Variants in GALNT18 observed in about 807,000 individuals in gnomAD.
The protein encoded by GALNT18 is GalNAc-transferase 18.
In GALNT18, 44 loss-of-function variants were observed where a neutral mutation model predicts 69.5. The ratio of observed to expected loss-of-function variants is 0.63; its 90% CI spans 0.50 to 0.81. The LOEUF is 0.81. GALNT18 is among the 40% of genes least tolerant of loss of function. GALNT18 has a pLI of 0.00. For synonymous variants in GALNT18, 364 were observed against 318.2 expected (o/e 1.14, Z -1.53); for missense variants, 715 against 810.0 (o/e 0.88, Z 1.42).
chr11:11,527,123 T>C (rs1159208205), intron 1 of GALNT18, among the ~76,000 whole-genome samples: 1 of 152,060 alleles, frequency 6.6e-6, no homozygotes, highest in Non-Finnish European at 1.5e-5. Context: ...CTGTACTCCC[T>C]GCATAGTGAT....
At chr11:11,493,772 C>T (rs148161195) in intron 1 of GALNT18, among the ~76,000 whole-genome samples, 3 of 152,230 alleles carry the variant, frequency 2.0e-5, no homozygotes, top group Admixed American at 6.5e-5. Context: ...AACTTCAGAA[C>T]GGAGATTTAT....
At chr11:11,350,876 G>A (rs916602477) in intron 6 of GALNT18, among the ~76,000 whole-genome samples, 1 of 152,198 alleles carries the variant, frequency 6.6e-6, no homozygotes, top group African/African-American at 2.4e-5. Flanking sequence ...CTCCCAGCCA[G>A]CCTTCAGGGG....
intron 10 of GALNT18, among the ~76,000 whole-genome samples, chr11:11,286,924 T>C (rs961127299): frequency 2.6e-5 from 4 of 152,092 alleles, no homozygotes; most frequent in Admixed American, 2.0e-4. Flanking sequence ...AGCTTAGAAT[T>C]ATAGAATTTC....
At chr11:11,351,190 G>A (rs1016966898) in intron 6 of GALNT18, among the ~76,000 whole-genome samples, 5 of 152,208 alleles carry the variant, frequency 3.3e-5, no homozygotes, top group Non-Finnish European at 7.3e-5. Context: ...TAGCCCCAAG[G>A]GGTGAGAGAG....
chr11:11,270,877 T>C lies in GALNT18; in HGVS notation c.*267A>G. ...AGAGCACCAAATGACTGCAAAACCC[T>C]TTTCTTAATAATATTTTATTGTCAG... is the stretch of plus-strand genomic sequence containing the variant. On this transcript the variant is annotated 3_prime_UTR_variant, in exon 11 of 11. Coordinates refer to ENST00000227756, the MANE Select transcript of GALNT18 (RefSeq NM_198516.3). The C allele has an allele frequency of 3.1e-6, 1 of 326,482 alleles. No individual in the cohort carries two copies. The highest frequency in any genetic ancestry group is 5.6e-6 in the Non-Finnish European group (1 of 177,498). 20.2% of individuals were successfully genotyped at this position (326,482 alleles called of 1,614,324 possible). A position where few individuals can be genotyped will look rare whatever the true frequency, so the allele number is the denominator to read the frequency against.
In GALNT18 at chr11:11,432,072, G is replaced by T. The variant is rs191711243; in HGVS notation, c.595+549C>A. 1.2e-3 allele frequency among the ~76,000 whole-genome samples: 179 copies of T among 152,304 alleles called. No homozygotes were observed. Among genetic ancestry groups the T allele is most frequent in the Non-Finnish European group, 1.9e-3 (126 of 68,024 alleles). ...GCAGGCCACCCAGGGTCTGGCTAGG[G>T]ACAGATGGAACAGGGAACAGGGGAT... is the stretch of plus-strand genomic sequence containing the variant. On this transcript the variant is annotated intron_variant, in intron 3 of 10. Coordinates refer to ENST00000227756, the MANE Select transcript of GALNT18 (RefSeq NM_198516.3). The surrounding 1 kb of genome is among the most constrained non-coding windows in gnomAD (Gnocchi z 5.8).
intron 9 of GALNT18, among the ~76,000 whole-genome samples, chr11:11,301,006 C>T (rs1172409727): frequency 6.6e-6 from 1 of 152,116 alleles, no homozygotes; most frequent in Non-Finnish European, 1.5e-5. Flanking sequence ...TCTAGCTTGC[C>T]CCCACAATGA....
intron 1 of GALNT18, among the ~76,000 whole-genome samples, chr11:11,561,981 C>T (rs1217504967): frequency 6.6e-6 from 1 of 152,254 alleles, no homozygotes; most frequent in African/African-American, 2.4e-5. Flanking sequence ...CCCACTGTCA[C>T]ACAGCGAGTG....
chr11:11,465,135 C>T lies in GALNT18; in HGVS notation c.236-16199G>A, dbSNP rs936288229. On this transcript the variant is annotated intron_variant, in intron 1 of 10. Transcript: ENST00000227756. The surrounding 1 kb of genome is among the most constrained non-coding windows in gnomAD (Gnocchi z 5.7). ...GAGAGAATACAGATCCCACTGGTAA[C>T]CTGGGCGAGGTGCCTTGGGATGCCT... Among the ~76,000 whole-genome samples the T allele has an allele frequency of 1.8e-4, 27 of 152,190 alleles. No individual in the cohort carries two copies. The highest frequency in any genetic ancestry group is 6.3e-4 in the African/African-American group (26 of 41,452).
In GALNT18 at chr11:11,543,780, G is replaced by A. The variant is rs531272393; in HGVS notation, c.235+77579C>T. On this transcript the variant is annotated intron_variant, in intron 1 of 10. Coordinates refer to ENST00000227756, the MANE Select transcript of GALNT18 (RefSeq NM_198516.3). This position sits in a 1 kb window ranked among gnomAD's most constrained non-coding sequence, Gnocchi z 5.1. ...CCCATGGCTCTGTGATGTGACTGGG[G>A]CCCCGAATGTGCCACGGTGGGTGGG... Among the ~76,000 whole-genome samples the A allele has an allele frequency of 1.3e-5, 2 of 152,200 alleles. No homozygotes were observed. The highest frequency in any genetic ancestry group is 4.8e-5 in the African/African-American group (2 of 41,446).
Position 11,309,794 on chromosome 11 carries a change from G to A in GALNT18, c.1513-16601C>T, listed in dbSNP as rs538609339. On this transcript the variant is annotated intron_variant, in intron 9 of 10. Coordinates refer to ENST00000227756, the MANE Select transcript of GALNT18 (RefSeq NM_198516.3). This position sits in a 1 kb window ranked among gnomAD's most constrained non-coding sequence, Gnocchi z 4.6. ...CTCTCACATACCCAGATCCCCTTATGCTTCAGTTGCAAGACAGCCTGCAAA... is the reference window on the plus strand; with the variant it reads ...CTCTCACATACCCAGATCCCCTTATACTTCAGTTGCAAGACAGCCTGCAAA... Among the ~76,000 whole-genome samples, 1 of 152,092 alleles carries A rather than the reference G, an allele frequency of 6.6e-6. No homozygotes were observed. Among genetic ancestry groups the A allele is most frequent in the Admixed American group, 6.6e-5 (1 of 15,258 alleles).
chr11:11,342,479 G>A (rs7120774), intron 6 of GALNT18, among the ~76,000 whole-genome samples: 47,024 of 152,018 alleles, frequency 0.31, 7,638 homozygotes, highest in African/African-American at 0.42. Flanking sequence ...GATTTAGCTT[G>A]TTTTCCCTGT....
At chr11:11,561,167 A>G (rs901752764) in intron 1 of GALNT18, among the ~76,000 whole-genome samples, 2 of 152,210 alleles carry the variant, frequency 1.3e-5, no homozygotes, top group African/African-American at 4.8e-5. Context: ...CAGCAGCAGA[A>G]ACTGCGAGGC....
At chr11:11,292,929 C>T (rs1030613232) in intron 10 of GALNT18, 100 bp downstream of exon 10, 1 of 1,128,900 alleles carries the variant, frequency 8.9e-7, no homozygotes, top group Non-Finnish European at 1.2e-6. Flanking sequence ...TCTGTCTCTC[C>T]TTCCCCTTCC....
chr11:11,292,010 C>G (rs1407135325), intron 10 of GALNT18, among the ~76,000 whole-genome samples: 1 of 152,128 alleles, frequency 6.6e-6, no homozygotes, highest in African/African-American at 2.4e-5. Flanking sequence ...TCCAAAGCTC[C>G]TTGCAGTGCC....
chr11:11,349,018 C>A (rs1268143523), intron 6 of GALNT18, among the ~76,000 whole-genome samples: 1 of 147,330 alleles, frequency 6.8e-6, no homozygotes, highest in Non-Finnish European at 1.5e-5. Context: ...AACCCATTAT[C>A]CTGAATTTTT....
intron 2 of GALNT18, among the ~76,000 whole-genome samples, chr11:11,438,083 C>T (rs971924945): frequency 2.6e-5 from 4 of 152,198 alleles, no homozygotes; most frequent in Non-Finnish European, 5.9e-5. Flanking sequence ...GCCCCAGGAT[C>T]GGCACTGTCT....
rs1336975151 is a variant in GALNT18 at position 11,511,860 on chromosome 11, C to T, written c.236-62924G>A. Among the ~76,000 whole-genome samples the T allele has an allele frequency of 6.6e-6, 1 of 152,160 alleles. No homozygotes were observed. Among genetic ancestry groups the T allele is most frequent in the Non-Finnish European group, 1.5e-5 (1 of 68,024 alleles). ...ACCACACTGGTACCCTGATCTGGGA[C>T]TTTCAGCCCCCAGAACTATGAAAAA... On this transcript the variant is annotated intron_variant, in intron 1 of 10. Coordinates refer to ENST00000227756, the MANE Select transcript of GALNT18 (RefSeq NM_198516.3). This position sits in a 1 kb window ranked among gnomAD's most constrained non-coding sequence, Gnocchi z 4.9.
At position 11,619,146 on chromosome 11, in the gene GALNT18, C is replaced by T. The variant is rs1860127336; in HGVS notation, c.235+2213G>A. On this transcript the variant is annotated intron_variant, in intron 1 of 10. Transcript: ENST00000227756. The surrounding 1 kb of genome is among the most constrained non-coding windows in gnomAD (Gnocchi z 4.9). ...ACCTGGTAACCTCTGCCCCTGCCTGCCTCATTTCCAGTCTTTCCAAGTCAC... is the reference window on the plus strand; with the variant it reads ...ACCTGGTAACCTCTGCCCCTGCCTGTCTCATTTCCAGTCTTTCCAAGTCAC... Among the ~76,000 whole-genome samples, 1 of 152,156 alleles carries T rather than the reference C, an allele frequency of 6.6e-6. No homozygotes were observed. Among genetic ancestry groups the T allele is most frequent in the Non-Finnish European group, 1.5e-5 (1 of 68,036 alleles).
Sources: allele counts gnomAD v4.1 joint callset (sites outside exome capture counted in the v4.1 genomes callset), GRCh38; gene constraint gnomAD v4.1.1; non-coding constraint Gnocchi (gnomAD v3.1); transcripts MANE v1.5; gene names NCBI Gene and HGNC (gene_info 2026-07-23, HGNC 2026-07-21).